Variants in FRMD7 observed in about 807,000 individuals in gnomAD.
The protein encoded by FRMD7 is FERM domain-containing protein 7.
In FRMD7, 14 loss-of-function variants were observed where a neutral mutation model predicts 44.1. The ratio of observed to expected loss-of-function variants is 0.32; its 90% CI spans 0.21 to 0.50. The LOEUF (loss-of-function observed/expected upper bound fraction) is 0.50, where lower values mean the gene tolerates loss of function less well. FRMD7 is among the 20% of genes least tolerant of loss of function. The pLI, the probability that FRMD7 is intolerant of heterozygous loss-of-function variation, is 0.99. For missense variants in FRMD7, 501 were observed against 522.3 expected, an observed-to-expected ratio of 0.96 and a Z score of 0.40; for synonymous variants, 212 against 187.4, an observed-to-expected ratio of 1.13 and a Z score of -1.07.
In FRMD7 at chrX:132,078,285, A is replaced by G. The variant is rs1325988074; in HGVS notation, c.1732T>C (p.Phe578Leu). The change falls in exon 12 of 12, where the codon TTT (phenylalanine) becomes CTT (leucine). Residue 578 changes from phenylalanine to leucine, a missense_variant. By Grantham distance (22) the Phe-to-Leu change is conservative. Transcript: ENST00000298542. ...EEEDPNLEDA[F>L]VCNIQEQTPK... ...GTTTGCTCTTGAATGTTACATACAA[A>G]TGCATCTTCCAAATTTGGGTCTTCC... The G allele has an allele frequency of 8.3e-7, 1 of 1,209,794 alleles. No homozygotes were observed. The highest frequency in any genetic ancestry group is 1.1e-6 in the Non-Finnish European group (1 of 894,778).
Position 132,100,945 on chromosome X carries a change from G to A in FRMD7, c.58-229C>T, listed in dbSNP as rs147462912. Reference sequence around the variant, plus strand: ...AGAAAGCCTTATAACAAACCACCTTGGAAAAAGAAATACTTGCACTTAACT... The same window carrying A: ...AGAAAGCCTTATAACAAACCACCTTAGAAAAAGAAATACTTGCACTTAACT... On this transcript the variant is annotated intron_variant, in intron 1 of 11. Coordinates refer to ENST00000298542, the MANE Select transcript of FRMD7 (RefSeq NM_194277.3). 1.9e-3 allele frequency among the ~76,000 whole-genome samples: 208 copies of A among 111,435 alleles called. 1 individual carries two copies. The highest frequency in any genetic ancestry group is 6.2e-3 in the African/African-American group (190 of 30,667).
Position 132,099,497 on chromosome X carries a change from A to G in FRMD7, c.176T>C (p.Leu59Pro). 1 of 1,201,275 alleles carries G rather than the reference A, an allele frequency of 8.3e-7. No individual in the cohort carries two copies. Among genetic ancestry groups the G allele is most frequent in the Non-Finnish European group, 1.1e-6 (1 of 888,274 alleles). ...SHSGNNVWLE[L>P]LKPITKQVKN... is the part of the protein sequence containing the mutation. The stretch of plus-strand genomic sequence containing the variant: ...TACCTGCTTTGTTATGGGCTTCAAA[A>G]GCTCCAGCCAAACCTGTAATAACAT... The change falls in exon 3 of 12, where the codon CTT becomes CCT. Residue 59 changes from leucine to proline, a missense_variant. This residue lies in a region of FRMD7 where 24 missense variants were observed against 48.0 expected (regional missense o/e 0.50). Coordinates refer to ENST00000298542, the MANE Select transcript of FRMD7 (RefSeq NM_194277.3).
At chrX:132,098,126 G>A (rs767276180) in intron 3 of FRMD7, among the ~76,000 whole-genome samples, 3 of 112,172 alleles carry the variant, frequency 2.7e-5, no homozygotes, top group Non-Finnish European at 5.6e-5. Context: ...GAGTAGAGTG[G>A]CCAGATTTAG....
At chrX:132,127,570 C>T (rs1213694475) in intron 1 of FRMD7, among the ~76,000 whole-genome samples, 2 of 112,090 alleles carry the variant, frequency 1.8e-5, no homozygotes, top group Admixed American at 9.5e-5. Context: ...CTATTGTTGT[C>T]CCTTGAGAAA....
Position 132,097,259 on chromosome X carries a change from A to T in FRMD7, c.284+7T>A. ...ATCATGCAGAGACACACAGGTAATC[A>T]CTATACCTTGTAAGTTCTTCCCGCA... On this transcript the variant is annotated splice_region_variant and intron_variant, in intron 4 of 11. Transcript: ENST00000298542. 8.8e-7 allele frequency: 1 copy of T among 1,132,629 alleles called. No homozygotes were observed. Among genetic ancestry groups the T allele is most frequent in the Non-Finnish European group, 1.2e-6 (1 of 823,117 alleles). 93.3% of individuals were successfully genotyped at this position (1,132,629 alleles called of 1,213,427 possible).
chrX:132,084,642 A>C, intron 7 of FRMD7, 57 bp from the exon 8 acceptor site: 1 of 706,594 alleles, frequency 1.4e-6, no homozygotes, highest in East Asian at 3.2e-5. Context: ...GGCTTGTAAG[A>C]CAGTGCAAAC....
At chrX:132,107,630 A>AGAGAGAGAGAGAGAGAGAGAGG (rs1360461115) in intron 1 of FRMD7, among the ~76,000 whole-genome samples, 2 of 109,373 alleles carry the variant, frequency 1.8e-5, no homozygotes, top group African/African-American at 3.3e-5. Context: ...AGAGAGAGAG[A>AGAGAGAGAGAGAGAGAGAGAGG]GAGGGAGGGA....
intron 4 of FRMD7, among the ~76,000 whole-genome samples, chrX:132,096,068 A>G (rs1430835251): frequency 1.8e-5 from 2 of 111,429 alleles, no homozygotes; most frequent in African/African-American, 3.3e-5. Context: ...ATTGGTCACA[A>G]TTTAAAACTC....
chrX:132,107,185 G>A (rs1928668022), intron 1 of FRMD7, among the ~76,000 whole-genome samples: 1 of 111,731 alleles, frequency 9.0e-6, no homozygotes, highest in South Asian at 3.7e-4. Flanking sequence ...TTTACTTTTT[G>A]CTTATACTTG....
intron 4 of FRMD7, 101 bp from the exon 5 acceptor site, chrX:132,094,240 C>T (rs1049588196): frequency 1.7e-6 from 1 of 572,868 alleles, no homozygotes. Context: ...AGGAATGGTG[C>T]CCCCAGTCAG....
chrX:132,119,750 T>C (rs1928988988), intron 1 of FRMD7, among the ~76,000 whole-genome samples: 1 of 111,092 alleles, frequency 9.0e-6, no homozygotes, highest in Non-Finnish European at 1.9e-5. Context: ...CCCAGAAAAA[T>C]GTTCCTCGGA....
intron 5 of FRMD7, 146 bp downstream of exon 5, chrX:132,093,896 C>T: frequency 2.0e-6 from 1 of 504,383 alleles, no homozygotes; most frequent in East Asian, 3.4e-5. Flanking sequence ...CAGGCTCAGG[C>T]CATGCTGTTT....
chrX:132,083,691 G>T (rs1157410259), intron 8 of FRMD7, among the ~76,000 whole-genome samples: 1 of 112,312 alleles, frequency 8.9e-6, no homozygotes, highest in Non-Finnish European at 1.9e-5. Context: ...AGACTAAGTG[G>T]CTCATGCCTG....
At chrX:132,106,234 C>A (rs751084496) in intron 1 of FRMD7, among the ~76,000 whole-genome samples, 1 of 112,258 alleles carries the variant, frequency 8.9e-6, no homozygotes, top group South Asian at 3.7e-4. Context: ...AGAAGACATA[C>A]ATGCAGCCAA....
At chrX:132,079,027 G>T in intron 11 of FRMD7, 61 bp from the exon 12 acceptor site, 1 of 1,005,270 alleles carries the variant, frequency 9.9e-7, no homozygotes, top group Non-Finnish European at 1.4e-6. Context: ...GGCTGGGGGA[G>T]GGATCTAAAT....
chrX:132,126,594 C>G (rs1474084486), intron 1 of FRMD7, among the ~76,000 whole-genome samples: 2 of 111,948 alleles, frequency 1.8e-5, no homozygotes, highest in East Asian at 5.6e-4. Context: ...TAGCCTAAAG[C>G]AATATCTTTT....
chrX:132,120,689 G>A (rs1480300559), intron 1 of FRMD7, among the ~76,000 whole-genome samples: 1 of 112,627 alleles, frequency 8.9e-6, no homozygotes, highest in Non-Finnish European at 1.9e-5. Flanking sequence ...CAGCCTGGAA[G>A]CCATGTGACA....
At chrX:132,108,929 G>T (rs1037230949) in intron 1 of FRMD7, among the ~76,000 whole-genome samples, 1 of 111,523 alleles carries the variant, frequency 9.0e-6, no homozygotes, top group Non-Finnish European at 1.9e-5. Context: ...CCAGCCATGC[G>T]GAACTGTGAA....
intron 1 of FRMD7, among the ~76,000 whole-genome samples, chrX:132,117,112 T>A (rs1168878685): frequency 1.8e-5 from 2 of 112,501 alleles, no homozygotes; most frequent in East Asian, 5.6e-4. Context: ...ATATTTAGAC[T>A]AGTGTCTGGC....
Sources: allele counts gnomAD v4.1 joint callset (sites outside exome capture counted in the v4.1 genomes callset), GRCh38; gene constraint gnomAD v4.1.1; regional missense constraint gnomAD v4.1.1; transcripts MANE v1.5; gene names NCBI Gene and HGNC (gene_info 2026-07-23, HGNC 2026-07-21).